LRRC7: variants seen among roughly 807,000 people sequenced by gnomAD.
LRRC7 encodes leucine-rich repeat-containing protein 7.
In LRRC7, 23 loss-of-function variants were observed where a neutral mutation model predicts 175.7. The ratio of observed to expected loss-of-function variants is 0.13; its 90% confidence interval spans 0.09 to 0.19. LRRC7 has a LOEUF of 0.19. Ranked by LOEUF, LRRC7 falls within the 10% of genes least tolerant of loss-of-function variation. The probability of loss-of-function intolerance (pLI) is 1.00; values close to 1 mark genes in which losing one functional copy is unlikely to be tolerated. For missense variants in LRRC7, 1,354 were observed against 1,904.7 expected (o/e 0.71, Z 5.38); for synonymous variants, 685 against 680.9 (o/e 1.01, Z -0.09).
At chr1:69,989,328 T>C (rs1654219358) in intron 10 of LRRC7, among the ~76,000 whole-genome samples, 2 of 152,174 alleles carry the variant, frequency 1.3e-5, no homozygotes. Context: ...CATTCTAAAG[T>C]GATACCACTG....
chr1:69,807,887 C>G (rs925671945), intron 4 of LRRC7, among the ~76,000 whole-genome samples: 1 of 151,938 alleles, frequency 6.6e-6, no homozygotes, highest in Non-Finnish European at 1.5e-5. Flanking sequence ...TATCCTGAAG[C>G]ACGCTTTCCA....
rs979147841 is a variant in LRRC7, at chr1:69,665,278, G to A, written c.3-13103G>A. On this transcript the variant is annotated intron_variant, in intron 1 of 26. Coordinates refer to ENST00000651989, the MANE Select transcript of LRRC7 (RefSeq NM_001370785.2). Reference sequence around the variant, plus strand: ...CCTTCTTTTGCTCAGGATGGCTTTCGCTATTCTGAGTCTCTTGTGGTTTCA... The same window carrying A: ...CCTTCTTTTGCTCAGGATGGCTTTCACTATTCTGAGTCTCTTGTGGTTTCA... 1.9e-4 allele frequency among the ~76,000 whole-genome samples: 29 copies of A among 152,022 alleles called. 1 individual carries two copies. Among genetic ancestry groups the A allele is most frequent in the South Asian group, 6.2e-4 (3 of 4,814 alleles).
At position 70,039,525 on chromosome 1, in the gene LRRC7, A is replaced by G; in HGVS notation, c.3701A>G (p.Gln1234Arg). ...AGTTTTCCGGTTAAAAACCTTACCC[A>G]AAGGAGGCCATTGTCTGCGAGAAGC... Reference protein sequence around the residue: ...AGSFPVKNLTQRRPLSARSYS... With the variant: ...AGSFPVKNLTRRRPLSARSYS... Residue 1234 changes from glutamine to arginine, a missense_variant, in exon 21 of 27, where the codon CAA becomes CGA. Physicochemically the swap from Gln to Arg is conservative, Grantham distance 43. Around this residue, in one of 4 missense-constraint regions of LRRC7, gnomAD observed 1,032 missense variants for 1,227.2 expected, o/e 0.84. Coordinates refer to ENST00000651989, the MANE Select transcript of LRRC7 (RefSeq NM_001370785.2). 3 of 1,614,148 alleles carry G rather than the reference A, an allele frequency of 1.9e-6. No homozygotes were observed. The highest frequency in any genetic ancestry group is 2.5e-6 in the Non-Finnish European group (3 of 1,180,010).
rs1238197719 is a variant in LRRC7 at position 70,131,933 on chromosome 1, AAG to A, written c.*10049_*10050del. On this transcript the variant is annotated 3_prime_UTR_variant, in exon 27 of 27. Coordinates refer to ENST00000651989, the MANE Select transcript of LRRC7 (RefSeq NM_001370785.2). ...GTACTTTAATGAAATATTTTTAAGT[AAG>A]AGCATTTTAGAATAATGAGAATAAT... Among the ~76,000 whole-genome samples the A allele has an allele frequency of 6.6e-6, 1 of 152,238 alleles. No individual in the cohort carries two copies. Among genetic ancestry groups the A allele is most frequent in the Non-Finnish European group, 1.5e-5 (1 of 68,040 alleles).
intron 4 of LRRC7, among the ~76,000 whole-genome samples, chr1:69,821,459 A>G (rs977987023): frequency 3.3e-5 from 5 of 151,026 alleles, no homozygotes; most frequent in Non-Finnish European, 7.4e-5. Context: ...TCTTCATTTA[A>G]CTTCTTGTTT....
chr1:69,646,900 C>G lies in LRRC7; in HGVS notation c.3-31481C>G, dbSNP rs986073864. 7.2e-5 allele frequency among the ~76,000 whole-genome samples: 11 copies of G among 151,926 alleles called. No individual in the cohort carries two copies. In the East Asian group the frequency reaches 1.9e-3, roughly 27 times the overall value. On this transcript the variant is annotated intron_variant, in intron 1 of 26. Transcript: ENST00000651989. ...TTCACTGGCTATTCAGATTGAGTAC[C>G]CTGCATCATGGGAGCTGCTTTTAGA...
intron 7 of LRRC7, among the ~76,000 whole-genome samples, chr1:69,910,872 T>C (rs954697346): frequency 1.3e-5 from 2 of 152,244 alleles, no homozygotes; most frequent in African/African-American, 4.8e-5. Flanking sequence ...TCCTGGCTGC[T>C]TTGTTTGCCT....
chr1:69,851,083 A>G (rs1353534570), intron 7 of LRRC7, among the ~76,000 whole-genome samples: 2 of 152,122 alleles, frequency 1.3e-5, no homozygotes, highest in East Asian at 3.9e-4. Context: ...GAAGCCTAGA[A>G]AAAAATGTGA....
chr1:69,659,990 AAATAT>A (rs1657221019), intron 1 of LRRC7, among the ~76,000 whole-genome samples: 1 of 152,088 alleles, frequency 6.6e-6, no homozygotes, highest in Non-Finnish European at 1.5e-5. Flanking sequence ...AGATAAATGC[AAATAT>A]AATATTCTGA....
intron 3 of LRRC7, among the ~76,000 whole-genome samples, chr1:69,768,057 T>A (rs1671816039): frequency 6.6e-6 from 1 of 152,120 alleles, no homozygotes; most frequent in African/African-American, 2.4e-5. Flanking sequence ...GAAACACCGA[T>A]CATTCAATAT....
intron 3 of LRRC7, among the ~76,000 whole-genome samples, chr1:69,785,367 T>C (rs1674285107): frequency 6.6e-6 from 1 of 152,162 alleles, no homozygotes; most frequent in Non-Finnish European, 1.5e-5. Flanking sequence ...TTTGACAGTT[T>C]TACAACTTTG....
At chr1:69,595,538 A>G (rs1166940140) in intron 1 of LRRC7, among the ~76,000 whole-genome samples, 1 of 152,230 alleles carries the variant, frequency 6.6e-6, no homozygotes, top group Non-Finnish European at 1.5e-5. Flanking sequence ...TACTGAAACA[A>G]CAGCATCCTA....
intron 22 of LRRC7, among the ~76,000 whole-genome samples, chr1:70,049,029 T>C (rs1660549882): frequency 6.6e-6 from 1 of 152,154 alleles, no homozygotes; most frequent in Non-Finnish European, 1.5e-5. Context: ...CATTTTTTAA[T>C]TTCTACCACC....
chr1:70,095,212 T>C lies in LRRC7; in HGVS notation c.4545+5393T>C, dbSNP rs147605629. ...TCAGGAGCAAGGGATAGAGATCAAA[T>C]TGTTTTTGTACTTCAGACTAAATTT... On this transcript the variant is annotated intron_variant, in intron 25 of 26. Coordinates refer to ENST00000651989, the MANE Select transcript of LRRC7 (RefSeq NM_001370785.2). Among the ~76,000 whole-genome samples the C allele has an allele frequency of 3.1e-3, 473 of 152,280 alleles. 3 individuals carry two copies. The highest frequency in any genetic ancestry group is 0.011 in the African/African-American group (438 of 41,584).
At chr1:69,627,291 T>C (rs1205172963) in intron 1 of LRRC7, among the ~76,000 whole-genome samples, 1 of 152,202 alleles carries the variant, frequency 6.6e-6, no homozygotes, top group Non-Finnish European at 1.5e-5. Flanking sequence ...TGATATCTCA[T>C]TGTGGATTTG....
At chr1:69,931,643 C>A in intron 8 of LRRC7, 73 bp downstream of exon 8, 1 of 1,246,012 alleles carries the variant, frequency 8.0e-7, no homozygotes, top group Non-Finnish European at 1.2e-6. Context: ...TCTTTGTAAA[C>A]CAAGGTATTA....
At chr1:69,632,920 T>C (rs1031391693) in intron 1 of LRRC7, among the ~76,000 whole-genome samples, 6 of 152,142 alleles carry the variant, frequency 3.9e-5, no homozygotes, top group African/African-American at 7.2e-5. Flanking sequence ...AGCATTTCTA[T>C]AATTTCCAAA....
At chr1:69,637,072 TTCTC>T (rs764582095) in intron 1 of LRRC7, among the ~76,000 whole-genome samples, 1 of 97,832 alleles carries the variant, frequency 1.0e-5, no homozygotes, top group Non-Finnish European at 2.8e-5. Context: ...GCCTTCACCC[TTCTC>T]TCTTTCTCTC....
chr1:69,583,669 A>G (rs1186885044), intron 1 of LRRC7, among the ~76,000 whole-genome samples: 1 of 152,156 alleles, frequency 6.6e-6, no homozygotes, highest in Non-Finnish European at 1.5e-5. Flanking sequence ...CTTACCCCCA[A>G]TTGGGGAAAT....
Sources: allele counts gnomAD v4.1 joint callset (sites outside exome capture counted in the v4.1 genomes callset), GRCh38; gene constraint gnomAD v4.1.1; regional missense constraint gnomAD v4.1.1; transcripts MANE v1.5; gene names NCBI Gene and HGNC (gene_info 2026-07-23, HGNC 2026-07-21).